Variants in TMCO5A observed in about 807,000 individuals in gnomAD.
TMCO5A encodes transmembrane and coiled-coil domains 5A.
TMCO5A carries 34 observed loss-of-function variants against 42.3 expected under a neutral mutation model. The ratio of observed to expected loss-of-function variants is 0.80; its 90% CI spans 0.61 to 1.07. The LOEUF is 1.07. Among genes scored for constraint, TMCO5A ranks in the 50% least tolerant of loss-of-function variants. The pLI is 0.00. For synonymous variants in TMCO5A, 131 were observed against 115.6 expected (o/e 1.13, Z -0.86); for missense variants, 357 against 327.9 (o/e 1.09, Z -0.69).
chr15:37,971,236 C>T (rs1437924811), downstream of TMCO5A, among the ~76,000 whole-genome samples: 1 of 152,216 alleles, frequency 6.6e-6, no homozygotes, highest in Non-Finnish European at 1.5e-5. Flanking sequence ...CCTGTAGACT[C>T]AACACCATGT....
At chr15:38,017,613 G>A in the TMCO5A span, among the ~76,000 whole-genome samples, 2 of 152,086 alleles carry the variant, frequency 1.3e-5, no homozygotes, top group Admixed American at 6.5e-5. Flanking sequence ...CTCAGTTGAG[G>A]GGCTCCTATT....
intron 11 of TMCO5A, among the ~76,000 whole-genome samples, chr15:37,963,348 A>G (rs1890479534): frequency 6.6e-6 from 1 of 152,006 alleles, no homozygotes; most frequent in Non-Finnish European, 1.5e-5. Flanking sequence ...ATGTCCGTGT[A>G]TTTGCATGGT....
At chr15:38,029,733 C>T in the TMCO5A span, among the ~76,000 whole-genome samples, 41 of 152,224 alleles carry the variant, frequency 2.7e-4, no homozygotes, top group African/African-American at 7.7e-4. Flanking sequence ...TACAGGTGTG[C>T]GCCACCATGC....
the TMCO5A span, chr15:38,040,095 T>G: frequency 6.6e-6 from 1 of 152,388 alleles, no homozygotes; most frequent in South Asian, 2.1e-4. Context: ...AGCTGTGTAC[T>G]TCATCAAGGC....
chr15:38,013,170 T>A, the TMCO5A span, among the ~76,000 whole-genome samples: 2 of 152,138 alleles, frequency 1.3e-5, no homozygotes, highest in African/African-American at 4.8e-5. Context: ...CCTACAGAAC[T>A]CATCCAGAAG....
chr15:37,937,783 T>C (rs961435827), intron 5 of TMCO5A, among the ~76,000 whole-genome samples: 4 of 152,136 alleles, frequency 2.6e-5, no homozygotes, highest in African/African-American at 9.7e-5. Flanking sequence ...AGGATTTCCT[T>C]TTTCTTGTCT....
chr15:37,968,728 G>T (rs1257713510), downstream of TMCO5A, among the ~76,000 whole-genome samples: 2 of 151,650 alleles, frequency 1.3e-5, no homozygotes, highest in South Asian at 4.2e-4. Context: ...GGTTACAGGC[G>T]CCCACCACCA....
At chr15:37,968,382 C>G (rs1355905959), downstream of TMCO5A, among the ~76,000 whole-genome samples, 1 of 152,134 alleles carries the variant, frequency 6.6e-6, no homozygotes, top group African/African-American at 2.4e-5. Context: ...CTCAAAGATA[C>G]ACTCCAAGGA....
chr15:38,034,692 A>G, the TMCO5A span, among the ~76,000 whole-genome samples: 2,161 of 152,222 alleles, frequency 0.014, 58 homozygotes, highest in African/African-American at 0.05. Context: ...AAATATTTAT[A>G]TGAAGTTCCA....
downstream of TMCO5A, chr15:37,967,750 C>T (rs1034110463): frequency 1.3e-5 from 2 of 152,140 alleles, no homozygotes; most frequent in Non-Finnish European, 2.9e-5. Flanking sequence ...ATTTGAACTC[C>T]TTCTTGAAGT....
chr15:37,975,166 G>T, the TMCO5A span, among the ~76,000 whole-genome samples: 1 of 152,104 alleles, frequency 6.6e-6, no homozygotes, highest in Non-Finnish European at 1.5e-5. Context: ...CAATTGTGTG[G>T]TCTATTTTGG....
downstream of TMCO5A, among the ~76,000 whole-genome samples, chr15:37,956,059 C>T (rs747882301): frequency 3.3e-5 from 5 of 152,068 alleles, no homozygotes; most frequent in Non-Finnish European, 5.9e-5. Context: ...AGAACAAAGA[C>T]GCAATCTACC....
At chr15:38,008,800 G>T in the TMCO5A span, among the ~76,000 whole-genome samples, 3 of 152,156 alleles carry the variant, frequency 2.0e-5, no homozygotes, top group South Asian at 2.1e-4. Context: ...TCAAGACAAC[G>T]CATGACCATC....
chr15:37,936,422 A>C lies in TMCO5A; in HGVS notation c.99A>C (p.Lys33Asn). 1.2e-6 allele frequency: 2 copies of C among 1,613,108 alleles called. No individual in the cohort carries two copies. Among genetic ancestry groups the C allele is most frequent in the South Asian group, 2.2e-5 (2 of 91,052 alleles). Residue 33 changes from lysine (K) to asparagine (N), a missense_variant, in exon 3 of 12, where the codon AAA (lysine) becomes AAC (asparagine). Coordinates refer to ENST00000319669, the MANE Select transcript of TMCO5A (RefSeq NM_152453.4). Reference sequence around the variant, plus strand: ...AGAGAATAGATGAAGCAAATCAGAAACTTCTTCTCAAAATCCAAGAGAGGG... The same window carrying C: ...AGAGAATAGATGAAGCAAATCAGAACCTTCTTCTCAAAATCCAAGAGAGGG... The part of the protein sequence containing the change: ...DTQRIDEANQ[K>N]LLLKIQERED...
chr15:37,997,578 G>A, the TMCO5A span, among the ~76,000 whole-genome samples: 2,655 of 152,162 alleles, frequency 0.017, 79 homozygotes, highest in African/African-American at 0.06. Context: ...TCCATAGTAT[G>A]TATGTATCAC....
chr15:38,032,535 A>G, the TMCO5A span, among the ~76,000 whole-genome samples: 1 of 152,186 alleles, frequency 6.6e-6, no homozygotes, highest in Non-Finnish European at 1.5e-5. Context: ...TTAATCATAT[A>G]CTTAATTACA....
the TMCO5A span, chr15:38,020,162 T>G: frequency 6.6e-6 from 1 of 151,706 alleles, no homozygotes; most frequent in African/African-American, 2.4e-5. Context: ...GGCTAATATA[T>G]TTTTTTCATT....
At chr15:38,003,593 G>T in the TMCO5A span, among the ~76,000 whole-genome samples, 3 of 151,950 alleles carry the variant, frequency 2.0e-5, no homozygotes, top group Admixed American at 6.6e-5. Context: ...CTACTGCTGG[G>T]CTGGCACCCA....
the TMCO5A span, among the ~76,000 whole-genome samples, chr15:38,010,425 T>TCTCACACACACACACACACACACA: frequency 1.4e-4 from 17 of 117,468 alleles, no homozygotes; most frequent in South Asian, 3.2e-4. Context: ...CAGAGGGAGA[T>TCTCACACACACACACACACACACA]CACACACACA....
Sources: gnomAD v4.1 joint callset for allele counts (sites outside exome capture counted in the v4.1 genomes callset) on GRCh38, gnomAD v4.1.1 for gene constraint, MANE v1.5 for transcripts, NCBI Gene and HGNC (gene_info 2026-07-23, HGNC 2026-07-21) for gene names.